Variants in EMID1 observed in about 807,000 individuals in gnomAD.
EMID1 encodes EMI domain-containing protein 1.
Under a neutral mutation model 60.6 loss-of-function variants are expected in EMID1, and 40 were observed. The observed-to-expected ratio is 0.66, with a 90% CI of 0.51 to 0.86. The LOEUF (loss-of-function observed/expected upper bound fraction) is 0.86. Ranked by LOEUF, EMID1 falls within the 40% of genes least tolerant of loss-of-function variation. The pLI is 0.00. For synonymous variants in EMID1, 242 were observed against 231.0 expected, an observed-to-expected ratio of 1.05 and a Z score of -0.43; for missense variants, 585 against 597.1, an observed-to-expected ratio of 0.98 and a Z score of 0.21.
At chr22:29,246,391 C>T (rs1401328345) in intron 13 of EMID1, among the ~76,000 whole-genome samples, 5 of 152,120 alleles carry the variant, frequency 3.3e-5, no homozygotes, top group Non-Finnish European at 7.3e-5. Flanking sequence ...CCTCTGATTG[C>T]CATGGCGAAT....
chr22:29,255,282 A>G, intron 14 of EMID1: 1 of 1,493,042 alleles, frequency 6.7e-7, no homozygotes, highest in Non-Finnish European at 9.0e-7. Context: ...CTCCTAGCTT[A>G]CAGAGCTTCC....
chr22:29,234,063 A>C, intron 10 of EMID1, 74 bp from the exon 11 acceptor site: 1 of 1,528,914 alleles, frequency 6.5e-7, no homozygotes, highest in East Asian at 2.5e-5. Context: ...GCCCTCCCCA[A>C]CACCTCTGTT....
chr22:29,216,272 C>G, intron 3 of EMID1: 2 of 984,446 alleles, frequency 2.0e-6, no homozygotes, highest in South Asian at 9.4e-5. Flanking sequence ...GCCTGGGCCT[C>G]CCAGGAGCCT....
intron 5 of EMID1, among the ~76,000 whole-genome samples, chr22:29,229,154 C>T (rs1274152980): frequency 1.3e-5 from 2 of 151,886 alleles, no homozygotes; most frequent in African/African-American, 4.8e-5. Context: ...CCAGCCTGGG[C>T]AACATAGCAA....
At position 29,231,592 on chromosome 22, in the gene EMID1, G is replaced by C; in HGVS notation, c.587-1G>C. The C allele has an allele frequency of 6.5e-7, 1 of 1,543,602 alleles. No individual in the cohort carries two copies. The highest frequency in any genetic ancestry group is 8.8e-7 in the Non-Finnish European group (1 of 1,142,590). ...CCAGTCTGATATGCTTTACCCCCCA[G>C]ACCAAGTCGGTGCTTGGGGGCTTCC... On this transcript the variant is annotated splice_acceptor_variant, in intron 6 of 14. Coordinates refer to ENST00000334018, the MANE Select transcript of EMID1 (RefSeq NM_133455.4). LOFTEE classifies it high-confidence loss of function.
chr22:29,243,854 A>T (rs2041235248), intron 13 of EMID1, among the ~76,000 whole-genome samples: 2 of 152,190 alleles, frequency 1.3e-5, no homozygotes, highest in East Asian at 3.8e-4. Flanking sequence ...CTCCCAGCCA[A>T]GGCTTAGCTT....
intron 5 of EMID1, among the ~76,000 whole-genome samples, chr22:29,226,839 C>T (rs1167756603): frequency 2.0e-5 from 3 of 152,102 alleles, no homozygotes; most frequent in Non-Finnish European, 4.4e-5. Flanking sequence ...ATATGTGAAG[C>T]GCAAGTCACA....
intron 13 of EMID1, chr22:29,253,877 C>A: frequency 3.1e-6 from 3 of 982,760 alleles, no homozygotes; most frequent in Non-Finnish European, 3.6e-6. Context: ...GGGCTCCCAG[C>A]AGCTTCTGGG....
chr22:29,249,741 T>C (rs890589797), intron 13 of EMID1, among the ~76,000 whole-genome samples: 2 of 151,800 alleles, frequency 1.3e-5, no homozygotes, highest in Non-Finnish European at 2.9e-5. Flanking sequence ...CAGCCTCCCA[T>C]GTAGCTGGGA....
chr22:29,235,231 C>T (rs372637810), intron 12 of EMID1, among the ~76,000 whole-genome samples: 7 of 151,792 alleles, frequency 4.6e-5, no homozygotes, highest in East Asian at 1.9e-4. Context: ...ACCTGTAATC[C>T]CAGCTACTCG....
intron 13 of EMID1, among the ~76,000 whole-genome samples, chr22:29,250,896 G>C (rs1465341592): frequency 6.8e-6 from 1 of 147,056 alleles, no homozygotes; most frequent in African/African-American, 2.5e-5. Flanking sequence ...TGCTCAGCCT[G>C]GAATTTTTTA....
Position 29,238,263 on chromosome 22 carries a change from T to A in EMID1, c.1074+3914T>A, listed in dbSNP as rs1454837666. ...CTGAAGTTTTTCTAAAAATTATTAT[T>A]ATTATTATTATTATTATTATTATTA... On this transcript the variant is annotated intron_variant, in intron 12 of 14. Transcript: ENST00000334018. Among the ~76,000 whole-genome samples, 4 of 77,986 alleles carry A rather than the reference T, an allele frequency of 5.1e-5. 1 individual carries two copies. The highest frequency in any genetic ancestry group is 8.2e-5 in the Non-Finnish European group (3 of 36,752). The allele number at this position is 77,986 out of a possible 152,430, so 51.2% of individuals were successfully genotyped here.
intron 6 of EMID1, 195 bp from the exon 7 acceptor site, chr22:29,231,398 G>A (rs2040736579): frequency 4.9e-6 from 4 of 810,940 alleles, no homozygotes; most frequent in Non-Finnish European, 8.3e-6. Context: ...GATTCTGGAT[G>A]AGCCTCCCTC....
At chr22:29,207,485 G>C (rs914538126) in intron 1 of EMID1, among the ~76,000 whole-genome samples, 2 of 151,926 alleles carry the variant, frequency 1.3e-5, no homozygotes, top group Non-Finnish European at 2.9e-5. Flanking sequence ...AGAGGACAGA[G>C]ACTATGAACT....
At chr22:29,255,927 G>A (rs2041690757) in intron 14 of EMID1, among the ~76,000 whole-genome samples, 1 of 152,200 alleles carries the variant, frequency 6.6e-6, no homozygotes, top group Non-Finnish European at 1.5e-5. Flanking sequence ...CTAGAAGGCA[G>A]GTTGGGGTAG....
intron 1 of EMID1, among the ~76,000 whole-genome samples, chr22:29,210,659 T>C (rs1256057579): frequency 6.6e-6 from 1 of 152,168 alleles, no homozygotes; most frequent in African/African-American, 2.4e-5. Flanking sequence ...GCCTCCCAAG[T>C]AGCTGTGACT....
chr22:29,246,867 G>A (rs1490339243), intron 13 of EMID1, among the ~76,000 whole-genome samples: 1 of 152,136 alleles, frequency 6.6e-6, no homozygotes, highest in East Asian at 1.9e-4. Context: ...GTCCCAGGCT[G>A]GTCTCAAATT....
At chr22:29,219,744 T>G (rs1020749420) in intron 3 of EMID1, among the ~76,000 whole-genome samples, 3 of 152,148 alleles carry the variant, frequency 2.0e-5, no homozygotes, top group Admixed American at 6.5e-5. Flanking sequence ...ATCCTGCCAC[T>G]GCACTCCAGC....
At chr22:29,214,529 C>T (rs1027559678) in intron 1 of EMID1, among the ~76,000 whole-genome samples, 2 of 152,022 alleles carry the variant, frequency 1.3e-5, no homozygotes, top group African/African-American at 4.8e-5. Context: ...AGGGAGGGAC[C>T]GAGGGGCAGA....
Sources: allele counts gnomAD v4.1 joint callset (sites outside exome capture counted in the v4.1 genomes callset), GRCh38; gene constraint gnomAD v4.1.1; transcripts MANE v1.5; gene names NCBI Gene and HGNC (gene_info 2026-07-23, HGNC 2026-07-21).